Variants in NFIA observed in about 807,000 individuals in gnomAD.
The protein encoded by NFIA is nuclear factor I A.
Under a neutral mutation model 62.8 loss-of-function variants are expected in NFIA, and 8 were observed. The ratio of observed to expected loss-of-function variants is 0.13; its 90% CI spans 0.07 to 0.23. NFIA has a LOEUF of 0.23. NFIA is among the 10% of genes least tolerant of loss of function. NFIA has a pLI of 1.00. For missense variants in NFIA, 410 were observed against 642.1 expected (o/e 0.64, Z 3.91); for synonymous variants, 235 against 238.1 (o/e 0.99, Z 0.12).
chr1:61,178,557 T>A (rs998754511), intron 2 of NFIA, among the ~76,000 whole-genome samples: 3 of 152,224 alleles, frequency 2.0e-5, no homozygotes, highest in African/African-American at 7.2e-5. Flanking sequence ...ATAGGTGGAA[T>A]CAGGATTCAA....
At chr1:61,285,430 A>G (rs1658423938) in intron 3 of NFIA, among the ~76,000 whole-genome samples, 1 of 152,244 alleles carries the variant, frequency 6.6e-6, no homozygotes, top group Non-Finnish European at 1.5e-5. Flanking sequence ...TTTGTGGATA[A>G]TATTAGTAAA....
At chr1:61,330,282 T>A (rs1557710791) in intron 3 of NFIA, among the ~76,000 whole-genome samples, 1 of 152,200 alleles carries the variant, frequency 6.6e-6, no homozygotes, top group Non-Finnish European at 1.5e-5. Context: ...ATTCATCTAC[T>A]CATTCAGTAA....
chr1:61,310,680 C>T (rs907678743), intron 3 of NFIA, among the ~76,000 whole-genome samples: 5 of 152,146 alleles, frequency 3.3e-5, no homozygotes, highest in Admixed American at 6.5e-5. Flanking sequence ...ACAAACCAAA[C>T]GTGCCACTTG....
chr1:61,180,006 A>T (rs968825930), intron 2 of NFIA, among the ~76,000 whole-genome samples: 1 of 152,148 alleles, frequency 6.6e-6, no homozygotes, highest in African/African-American at 2.4e-5. Flanking sequence ...TTTATGCATT[A>T]TGTGAATTTG....
chr1:61,372,511 T>A (rs1439055049), intron 6 of NFIA, among the ~76,000 whole-genome samples: 2 of 151,996 alleles, frequency 1.3e-5, no homozygotes, highest in Non-Finnish European at 2.9e-5. Context: ...TTCTGTTGAA[T>A]GTAGCATTAA....
intron 2 of NFIA, among the ~76,000 whole-genome samples, chr1:61,205,723 A>G (rs976452759): frequency 2.0e-5 from 3 of 152,178 alleles, no homozygotes; most frequent in South Asian, 2.1e-4. Context: ...TGGTTATCCA[A>G]CGAGACAGGA....
intron 10 of NFIA, among the ~76,000 whole-genome samples, chr1:61,436,847 A>G (rs1667350627): frequency 6.6e-6 from 1 of 152,232 alleles, no homozygotes; most frequent in Admixed American, 6.5e-5. Flanking sequence ...AGCAGAGATG[A>G]AATAACTTAG....
intron 2 of NFIA, among the ~76,000 whole-genome samples, chr1:61,116,631 C>A (rs1189873323): frequency 6.6e-6 from 1 of 152,086 alleles, no homozygotes; most frequent in Non-Finnish European, 1.5e-5. Context: ...AAGTGAATTG[C>A]CGTATAGTCA....
At chr1:61,419,541 A>G (rs1666508504) in intron 9 of NFIA, among the ~76,000 whole-genome samples, 1 of 152,146 alleles carries the variant, frequency 6.6e-6, no homozygotes, top group African/African-American at 2.4e-5. Context: ...CTCCAGTTGA[A>G]GGGTTACTCT....
chr1:61,138,427 C>T (rs891966583), intron 2 of NFIA, among the ~76,000 whole-genome samples: 1 of 152,078 alleles, frequency 6.6e-6, no homozygotes, highest in African/African-American at 2.4e-5. Flanking sequence ...GGTTTTACCC[C>T]ACCACCCTTA....
intron 2 of NFIA, among the ~76,000 whole-genome samples, chr1:61,269,374 A>G (rs1182790198): frequency 6.6e-6 from 1 of 152,218 alleles, no homozygotes; most frequent in Non-Finnish European, 1.5e-5. Flanking sequence ...TTGTTGGCAA[A>G]TATTTTATTG....
chr1:61,367,470 A>G (rs149174768), intron 6 of NFIA, among the ~76,000 whole-genome samples: 3,382 of 152,334 alleles, frequency 0.022, 83 homozygotes, highest in South Asian at 0.12. Flanking sequence ...ATGGAGCAGT[A>G]GGAAAGCATC....
At chr1:61,193,892 C>T (rs1276997150) in intron 2 of NFIA, among the ~76,000 whole-genome samples, 1 of 152,138 alleles carries the variant, frequency 6.6e-6, no homozygotes, top group African/African-American at 2.4e-5. Context: ...AAGAGAATGC[C>T]TCCTTATGCC....
chr1:61,305,650 A>G (rs1659730451), intron 3 of NFIA, among the ~76,000 whole-genome samples: 2 of 152,128 alleles, frequency 1.3e-5, no homozygotes, highest in African/African-American at 4.8e-5. Flanking sequence ...TTCCAATAGG[A>G]TGGAAACAGA....
At position 61,308,525 on chromosome 1, in the gene NFIA, A is replaced by G. The variant is rs546788681; in HGVS notation, c.626-23987A>G. 2.6e-5 allele frequency among the ~76,000 whole-genome samples: 4 copies of G among 152,326 alleles called. No individual in the cohort carries two copies. The East Asian group carries it at 5.8e-4, about 22-fold the overall frequency. ...TATATGTGAAATAGAACTGTTTTATATTAGTGAGCTGTTGGGGATAGTAAG... is the reference window on the plus strand; with the variant it reads ...TATATGTGAAATAGAACTGTTTTATGTTAGTGAGCTGTTGGGGATAGTAAG... On this transcript the variant is annotated intron_variant, in intron 3 of 10. Coordinates refer to ENST00000403491, the MANE Select transcript of NFIA (RefSeq NM_001134673.4).
chr1:61,452,700 A>G (rs1284457254), intron 10 of NFIA, among the ~76,000 whole-genome samples: 1 of 152,188 alleles, frequency 6.6e-6, no homozygotes, highest in Non-Finnish European at 1.5e-5. Flanking sequence ...ACGTTAGACA[A>G]AAGCCCAAGA....
chr1:61,295,562 G>C (rs748971690), intron 3 of NFIA, among the ~76,000 whole-genome samples: 2 of 152,154 alleles, frequency 1.3e-5, no homozygotes, highest in Non-Finnish European at 2.9e-5. Context: ...GCAAGGGTGG[G>C]AGAGAAAGGG....
chr1:61,324,298 C>T (rs1438402491), intron 3 of NFIA, among the ~76,000 whole-genome samples: 4 of 152,162 alleles, frequency 2.6e-5, no homozygotes, highest in Admixed American at 6.6e-5. Flanking sequence ...GAGCTTTTCC[C>T]GTCAAGTGGC....
chr1:61,347,593 T>C (rs2100421905), intron 4 of NFIA, among the ~76,000 whole-genome samples: 1 of 152,314 alleles, frequency 6.6e-6, no homozygotes, highest in Middle Eastern at 3.4e-3. Flanking sequence ...AAGTGCCCAC[T>C]CTTCCTGGAA....
Sources: gnomAD v4.1 joint callset for allele counts (sites outside exome capture counted in the v4.1 genomes callset) on GRCh38, gnomAD v4.1.1 for gene constraint, MANE v1.5 for transcripts, NCBI Gene and HGNC (gene_info 2026-07-23, HGNC 2026-07-21) for gene names.